PDGFRA: variants seen among roughly 807,000 people sequenced by gnomAD.
PDGFRA encodes platelet derived growth factor receptor alpha, also known as platelet-derived growth factor receptor alpha.
PDGFRA carries 25 observed loss-of-function variants against 121.5 expected under a neutral mutation model. The observed-to-expected ratio is 0.21, with a 90% CI of 0.15 to 0.29. PDGFRA has a LOEUF of 0.29. Among genes scored for constraint, PDGFRA ranks in the 10% least tolerant of loss-of-function variants. The pLI is 1.00. For missense variants in PDGFRA, 1,008 were observed against 1,345.1 expected (o/e 0.75, Z 3.92); for synonymous variants, 463 against 494.8 (o/e 0.94, Z 0.85).
chr4:54,274,571 G>T lies in PDGFRA; in HGVS notation c.1599G>T (p.Val533=), dbSNP rs146832047. The T allele has an allele frequency of 3.7e-6, 6 of 1,614,038 alleles. No homozygotes were observed. In the Admixed American group the frequency reaches 8.3e-5, roughly 22 times the overall value. The change falls in exon 11 of 23, where the codon GTG becomes GTT. Residue 533 remains valine, a synonymous_variant. Coordinates refer to ENST00000257290, the MANE Select transcript of PDGFRA (RefSeq NM_006206.6). ...SELTVAAAVL[V]LLVIVIISLI... Reference sequence around the variant, plus strand: ...TCACGGTGGCTGCTGCAGTCCTGGTGCTGTTGGTGATTGTGATCATCTCAC... The same window carrying T: ...TCACGGTGGCTGCTGCAGTCCTGGTTCTGTTGGTGATTGTGATCATCTCAC...
chr4:54,281,815 G>C, intron 16 of PDGFRA: 1 of 1,249,812 alleles, frequency 8.0e-7, no homozygotes, highest in Non-Finnish European at 1.0e-6. Flanking sequence ...GGACTAACTG[G>C]GGAAAGTGGA....
intron 16 of PDGFRA, chr4:54,280,737 G>C: frequency 3.1e-6 from 1 of 321,228 alleles, no homozygotes; most frequent in Non-Finnish European, 5.8e-6. Flanking sequence ...TTTTCTTGGT[G>C]TGTTCCTGCA....
Position 54,285,857 on chromosome 4 carries a change from T to C in PDGFRA, c.2456T>C (p.Leu819Pro). 6.2e-7 allele frequency: 1 copy of C among 1,614,158 alleles called. No homozygotes were observed. Residue 819 changes from leucine (L) to proline (P), a missense_variant, in exon 18 of 23, where the codon CTG (leucine) becomes CCG (proline). Around this residue, in one of 5 missense-constraint regions of PDGFRA, gnomAD observed 40 missense variants for 127.4 expected, o/e 0.31. Coordinates refer to ENST00000257290, the MANE Select transcript of PDGFRA (RefSeq NM_006206.6). ...LASKNCVHRD[L>P]AARNVLLAQG... is the part of the protein sequence containing the mutation. Reference sequence around the variant, plus strand: ...TCCATGCAGTGTGTCCACCGTGATCTGGCTGCTCGCAACGTCCTCCTGGCA... The same window carrying C: ...TCCATGCAGTGTGTCCACCGTGATCCGGCTGCTCGCAACGTCCTCCTGGCA...
chr4:54,262,076 C>T lies in PDGFRA; in HGVS notation c.367+664C>T, dbSNP rs895088570. On this transcript the variant is annotated intron_variant, in intron 3 of 22. Coordinates refer to ENST00000257290, the MANE Select transcript of PDGFRA (RefSeq NM_006206.6). ...CCTCCCCAGTAGCTGGGATTACAGG[C>T]ATGCACCACCACGCCCAGCTAATTT... 1.4e-4 allele frequency among the ~76,000 whole-genome samples: 21 copies of T among 151,824 alleles called. 1 individual carries two copies. Among genetic ancestry groups the T allele is most frequent in the Middle Eastern group, 3.4e-3 (1 of 294 alleles).
chr4:54,288,586 A>G (rs1222675220), intron 19 of PDGFRA, among the ~76,000 whole-genome samples: 1 of 152,078 alleles, frequency 6.6e-6, no homozygotes, highest in Non-Finnish European at 1.5e-5. Context: ...TTGTGATGGT[A>G]CTTGGACTTG....
At chr4:54,267,972 C>T (rs376000899) in intron 7 of PDGFRA, among the ~76,000 whole-genome samples, 8 of 152,234 alleles carry the variant, frequency 5.3e-5, no homozygotes, top group Admixed American at 3.3e-4. Context: ...GCTCTGGCCC[C>T]TGGGGAAAGA....
At chr4:54,275,918 A>G (rs938124883) in intron 12 of PDGFRA, among the ~76,000 whole-genome samples, 3 of 152,236 alleles carry the variant, frequency 2.0e-5, no homozygotes, top group Non-Finnish European at 4.4e-5. Context: ...AAAAAAGACA[A>G]TAATAGCCCT....
chr4:54,291,807 T>A (rs1005868666), intron 22 of PDGFRA, among the ~76,000 whole-genome samples: 9 of 151,762 alleles, frequency 5.9e-5, no homozygotes, highest in African/African-American at 2.2e-4. Flanking sequence ...TAAATCATTC[T>A]ACCATAAAGA....
intron 1 of PDGFRA, among the ~76,000 whole-genome samples, chr4:54,242,665 T>C (rs1281459942): frequency 6.6e-6 from 1 of 152,154 alleles, no homozygotes. Flanking sequence ...GTGTGTTTGT[T>C]GTTTGTTTTT....
chr4:54,234,612 G>T (rs1451959686), intron 1 of PDGFRA, among the ~76,000 whole-genome samples: 4 of 152,244 alleles, frequency 2.6e-5, no homozygotes, highest in East Asian at 3.9e-4. Context: ...TTTTTATTTC[G>T]TGGAAATTTG....
At chr4:54,234,543 C>T (rs1277933712) in intron 1 of PDGFRA, among the ~76,000 whole-genome samples, 1 of 152,050 alleles carries the variant, frequency 6.6e-6, no homozygotes, top group African/African-American at 2.4e-5. Context: ...TCAGTAGGAC[C>T]GTAATAGGTG....
rs587778602 is a variant in PDGFRA at position 54,263,798 on chromosome 4, G to T, written c.499G>T (p.Val167Leu). ...TGTAACCTTACACAACAGTGAGGGGGTGGTACCTGCCTCCTACGACAGCAG... is the reference window on the plus strand; with the variant it reads ...TGTAACCTTACACAACAGTGAGGGGTTGGTACCTGCCTCCTACGACAGCAG... ...TPVTLHNSEG[V>L]VPASYDSRQG... Residue 167 changes from valine to leucine, a missense_variant, in exon 4 of 23, where the codon GTG becomes TTG. Physicochemically the swap from Val to Leu is conservative, Grantham distance 32. Coordinates refer to ENST00000257290, the MANE Select transcript of PDGFRA (RefSeq NM_006206.6). 1 of 1,613,940 alleles carries T rather than the reference G, an allele frequency of 6.2e-7. No individual in the cohort carries two copies. The highest frequency in any genetic ancestry group is 1.7e-5 in the Admixed American group (1 of 59,976).
chr4:54,274,230 T>C (rs770801244), intron 10 of PDGFRA, among the ~76,000 whole-genome samples: 47 of 152,222 alleles, frequency 3.1e-4, no homozygotes, highest in South Asian at 8.3e-4. Flanking sequence ...TAGCTGTCAA[T>C]TGCATTTATC....
chr4:54,290,281 C>A, intron 21 of PDGFRA, 32 bp from the exon 22 acceptor site: 2 of 1,576,570 alleles, frequency 1.3e-6, no homozygotes, highest in Non-Finnish European at 1.7e-6. Flanking sequence ...GTTGTTAACA[C>A]TTGATTAAAT....
chr4:54,278,236 A>T, intron 14 of PDGFRA, 126 bp from the exon 15 acceptor site: 2 of 542,676 alleles, frequency 3.7e-6, no homozygotes, highest in African/African-American at 3.9e-5. Flanking sequence ...AAAAAAAAAA[A>T]AAAAAAAAAA....
At chr4:54,242,280 C>T (rs1364367579) in intron 1 of PDGFRA, among the ~76,000 whole-genome samples, 3 of 151,998 alleles carry the variant, frequency 2.0e-5, no homozygotes, top group African/African-American at 7.2e-5. Context: ...CTGTGAGCTA[C>T]CTTAAGGGTA....
chr4:54,264,886 T>A (rs1384785076), intron 4 of PDGFRA, 33 bp from the exon 5 acceptor site: 1 of 1,599,250 alleles, frequency 6.3e-7, no homozygotes, highest in Non-Finnish European at 8.6e-7. Context: ...ATCCTGTGGA[T>A]TTTTAGGCCC....
In PDGFRA at chr4:54,267,431, A is replaced by T. The variant is rs751257703; in HGVS notation, c.902A>T (p.Glu301Val). The change falls in exon 6 of 23, where the codon GAA becomes GTA. Residue 301 changes from glutamate (E) to valine (V), a missense_variant. Glu to Val is a moderately radical substitution (Grantham distance 121). Transcript: ENST00000257290. Reference protein sequence around the residue: ...AARQATREVKEMKKVTISVHE... With the variant: ...AARQATREVKVMKKVTISVHE... Reference sequence around the variant, plus strand: ...CGCCAGGCTACCAGGGAGGTCAAAGAAATGAAGAAAGTCACTATTTCTGTC... The same window carrying T: ...CGCCAGGCTACCAGGGAGGTCAAAGTAATGAAGAAAGTCACTATTTCTGTC... 6.2e-7 allele frequency: 1 copy of T among 1,614,216 alleles called. No homozygotes were observed. The highest frequency in any genetic ancestry group is 1.1e-5 in the South Asian group (1 of 91,086).
rs750102735 is a variant in PDGFRA, at chr4:54,267,556, A to G, written c.936A>G (p.Lys312=). The G allele has an allele frequency of 6.2e-7, 1 of 1,614,136 alleles. No individual in the cohort carries two copies. The highest frequency in any genetic ancestry group is 2.2e-5 in the East Asian group (1 of 44,884). Reference sequence around the variant, plus strand: ...TGGAAACTCTTCCCTGTACAGAGAAAGGTTTCATTGAAATCAAACCCACCT... The same window carrying G: ...TGGAAACTCTTCCCTGTACAGAGAAGGGTTTCATTGAAATCAAACCCACCT... ...MKKVTISVHE[K]GFIEIKPTFS... Residue 312 remains lysine (K), a synonymous_variant, in exon 7 of 23, where the codon AAA becomes AAG. Transcript: ENST00000257290.
Sources: gnomAD v4.1 joint callset for allele counts (sites outside exome capture counted in the v4.1 genomes callset) on GRCh38, gnomAD v4.1.1 for gene constraint, gnomAD v4.1.1 regional missense constraint, MANE v1.5 for transcripts, NCBI Gene and HGNC (gene_info 2026-07-23, HGNC 2026-07-21) for gene names.